ERAP1: variants seen among roughly 807,000 people sequenced by gnomAD.
ERAP1 encodes the protein endoplasmic reticulum aminopeptidase 1.
ERAP1 carries 86 observed loss-of-function variants against 103.7 expected under a neutral mutation model. The ratio of observed to expected loss-of-function variants is 0.83; its 90% confidence interval spans 0.70 to 0.99. ERAP1 has a LOEUF of 0.99. ERAP1 is among the 50% of genes least tolerant of loss of function. The pLI, the probability that ERAP1 is intolerant of heterozygous loss-of-function variation, is 0.00. For synonymous variants in ERAP1, 398 were observed against 402.4 expected, an observed-to-expected ratio of 0.99 and a Z score of 0.13; for missense variants, 1,009 against 1,128.4, an observed-to-expected ratio of 0.89 and a Z score of 1.52.
At chr5:96,905,020 T>C in the ERAP1 span, among the ~76,000 whole-genome samples, 9 of 152,246 alleles carry the variant, frequency 5.9e-5, no homozygotes, top group African/African-American at 2.2e-4. Flanking sequence ...TTCCAGTCTT[T>C]AAAACTTTAT....
chr5:96,825,056 T>A, the ERAP1 span, among the ~76,000 whole-genome samples: 1 of 152,064 alleles, frequency 6.6e-6, no homozygotes, highest in East Asian at 1.9e-4. Flanking sequence ...AATAAATAAA[T>A]TAATTAATTA....
the ERAP1 span, chr5:96,886,608 A>G: frequency 6.9e-7 from 1 of 1,443,292 alleles, no homozygotes; most frequent in East Asian, 2.4e-5. Flanking sequence ...CATGGTTATG[A>G]AATACTCCAG....
the ERAP1 span, among the ~76,000 whole-genome samples, chr5:96,819,727 G>T: frequency 6.6e-6 from 1 of 152,136 alleles, no homozygotes; most frequent in Non-Finnish European, 1.5e-5. Flanking sequence ...CTCAAGGAAG[G>T]TTTAAATTAG....
At chr5:96,843,062 T>G in the ERAP1 span, among the ~76,000 whole-genome samples, 3 of 152,188 alleles carry the variant, frequency 2.0e-5, no homozygotes, top group Non-Finnish European at 4.4e-5. Flanking sequence ...GTTCAGGTTC[T>G]TGGCAGCTTT....
the ERAP1 span, among the ~76,000 whole-genome samples, chr5:96,847,204 T>C: frequency 2.8e-5 from 4 of 142,774 alleles, no homozygotes; most frequent in African/African-American, 1.0e-4. Context: ...GCTGAGATCA[T>C]GCCATTGCAC....
chr5:96,815,642 C>A, the ERAP1 span, among the ~76,000 whole-genome samples: 1 of 151,996 alleles, frequency 6.6e-6, no homozygotes, highest in Non-Finnish European at 1.5e-5. Context: ...GAACTCCTGA[C>A]CTCAAATTAT....
At chr5:96,858,339 C>T in the ERAP1 span, among the ~76,000 whole-genome samples, 481 of 151,868 alleles carry the variant, frequency 3.2e-3, 4 homozygotes, top group African/African-American at 0.011. Flanking sequence ...CTCAGCTTCC[C>T]GAATAGCTGG....
At chr5:96,808,283 CT>C (rs1195436776), upstream of ERAP1, 147 of 649,060 alleles carry the variant, frequency 2.3e-4, no homozygotes, top group East Asian at 3.8e-3. Flanking sequence ...TTGTTTTTGT[CT>C]TTTTTTTTTT....
At chr5:96,900,753 T>C in the ERAP1 span, among the ~76,000 whole-genome samples, 1 of 152,220 alleles carries the variant, frequency 6.6e-6, no homozygotes, top group Non-Finnish European at 1.5e-5. Flanking sequence ...CTCAGCTCAC[T>C]GCAACCTCCA....
chr5:96,786,790 C>T (rs1329039093), intron 11 of ERAP1: 1 of 475,574 alleles, frequency 2.1e-6, no homozygotes. Flanking sequence ...CACGTGAACC[C>T]TGAAAGCCTT....
chr5:96,801,068 T>C (rs1777936830), intron 2 of ERAP1, 68 bp from the exon 3 acceptor site: 3 of 1,541,782 alleles, frequency 1.9e-6, no homozygotes, highest in Admixed American at 3.4e-5. Context: ...AGGTGTTTGC[T>C]TTTTAATTCC....
chr5:96,838,482 T>A, the ERAP1 span, among the ~76,000 whole-genome samples: 339 of 152,374 alleles, frequency 2.2e-3, 1 homozygote, highest in Non-Finnish European at 3.0e-3. Flanking sequence ...ATGTAATAGA[T>A]ATAATAGTAC....
At chr5:96,766,498 A>G (rs1029392191) in intron 19 of ERAP1, among the ~76,000 whole-genome samples, 2 of 152,234 alleles carry the variant, frequency 1.3e-5, no homozygotes, top group Non-Finnish European at 2.9e-5. Flanking sequence ...AGGAGAGCAG[A>G]AAAGGAGCTG....
the ERAP1 span, among the ~76,000 whole-genome samples, chr5:96,894,005 T>C: frequency 6.6e-6 from 1 of 152,206 alleles, no homozygotes. Context: ...CAAAACTGAT[T>C]ATTTCCTCCT....
At chr5:96,840,821 T>G in the ERAP1 span, among the ~76,000 whole-genome samples, 4 of 152,126 alleles carry the variant, frequency 2.6e-5, no homozygotes, top group South Asian at 6.2e-4. Context: ...TTCTCCTGCC[T>G]CAGCCTCCCA....
chr5:96,878,186 T>C, the ERAP1 span, among the ~76,000 whole-genome samples: 1 of 151,800 alleles, frequency 6.6e-6, no homozygotes, highest in Non-Finnish European at 1.5e-5. Flanking sequence ...TTTGATTTAA[T>C]TGTGCTTTCA....
At chr5:96,901,629 T>C in the ERAP1 span, 1 of 1,614,066 alleles carries the variant, frequency 6.2e-7, no homozygotes, top group Non-Finnish European at 8.5e-7. Context: ...ACAGGAGCGC[T>C]TCCTCCAGGG....
At chr5:96,856,349 A>AAATATATATAT in the ERAP1 span, among the ~76,000 whole-genome samples, 1 of 8,538 alleles carries the variant, frequency 1.2e-4, no homozygotes, top group Admixed American at 2.6e-3. Flanking sequence ...AAAAAAAAAA[A>AAATATATATAT]ATATATATAT....
the ERAP1 span, among the ~76,000 whole-genome samples, chr5:96,847,931 T>TTAAAGGAAGGAA: frequency 2.0e-5 from 3 of 150,048 alleles, no homozygotes; most frequent in African/African-American, 7.3e-5. Context: ...ACAAATTAAA[T>TTAAAGGAAGGAA]CCAGAGTTAG....
Sources: gnomAD v4.1 joint callset for allele counts (sites outside exome capture counted in the v4.1 genomes callset) on GRCh38, gnomAD v4.1.1 for gene constraint, MANE v1.5 for transcripts, NCBI Gene and HGNC (gene_info 2026-07-23, HGNC 2026-07-21) for gene names.